The following ZNF662 variants were observed in gnomAD, a reference collection of about 807,000 sequenced individuals.
The protein encoded by ZNF662 is zinc finger protein 662.
In ZNF662, 14 loss-of-function variants were observed where a neutral mutation model predicts 12.4. The observed-to-expected ratio is 1.13, with a 90% CI of 0.75 to 1.77. The LOEUF (loss-of-function observed/expected upper bound fraction) is 1.77, where lower values mean the gene tolerates loss of function less well. ZNF662 is among the 40% of genes most tolerant of loss of function. ZNF662 has a pLI of 0.00. For synonymous variants in ZNF662, 184 were observed against 176.4 expected, an observed-to-expected ratio of 1.04 and a Z score of -0.34; for missense variants, 550 against 515.6, an observed-to-expected ratio of 1.07 and a Z score of -0.65.
intron 2 of ZNF662, chr3:42,908,437 T>G: frequency 8.0e-7 from 1 of 1,250,472 alleles, no homozygotes. Context: ...GAGCCTTCAG[T>G]TCCCTCCCCT....
chr3:42,908,764 C>G, intron 2 of ZNF662, 29 bp from the exon 3 acceptor site: 1 of 1,606,074 alleles, frequency 6.2e-7, no homozygotes, highest in South Asian at 1.1e-5. Flanking sequence ...ATGCCACTCA[C>G]CTGCCTGTCC....
chr3:42,918,688 A>T lies in ZNF662; in HGVS notation c.*3334A>T, dbSNP rs1035019204. 7.9e-5 allele frequency among the ~76,000 whole-genome samples: 12 copies of T among 152,164 alleles called. No homozygotes were observed. The highest frequency in any genetic ancestry group is 1.2e-4 in the Non-Finnish European group (8 of 68,028). On this transcript the variant is annotated 3_prime_UTR_variant, in exon 5 of 5. Transcript: ENST00000440367. ...GATCGATCTTAACTGGTTCCTGCTGATGGGGGCACTGTTTTGGGAAAATAG... is the reference window on the plus strand; with the variant it reads ...GATCGATCTTAACTGGTTCCTGCTGTTGGGGGCACTGTTTTGGGAAAATAG...
At chr3:42,913,100 C>A in intron 3 of ZNF662, 101 bp from the exon 4 acceptor site, 1 of 787,644 alleles carries the variant, frequency 1.3e-6, no homozygotes, top group Non-Finnish European at 2.2e-6. Context: ...AATCTTTTCA[C>A]CCACCTTTAT....
chr3:42,908,162 C>T lies in ZNF662; in HGVS notation c.34+14C>T. On this transcript the variant is annotated intron_variant, in intron 2 of 4. Transcript: ENST00000440367. ...TGGCTTCCCTGGGTAAGGGTCTCTC[C>T]CTTTGGGCCCTGCCTCCACCCTTGA... 1 of 1,607,956 alleles carries T rather than the reference C, an allele frequency of 6.2e-7. No individual in the cohort carries two copies. Among genetic ancestry groups the T allele is most frequent in the Non-Finnish European group, 8.5e-7 (1 of 1,175,968 alleles).
rs748495010 is a variant in ZNF662 at position 42,914,904 on chromosome 3, A to G, written c.831A>G (p.Glu277=). 1.9e-6 allele frequency: 3 copies of G among 1,614,266 alleles called. No homozygotes were observed. Among genetic ancestry groups the G allele is most frequent in the Non-Finnish European group, 1.7e-6 (2 of 1,180,050 alleles). The change falls in exon 5 of 5, where the codon GAA becomes GAG. Residue 277 remains glutamate (E), a synonymous_variant. Transcript: ENST00000440367. ...QRIHTGEKPF[E]CKECGKGFSQ... is the part of the protein sequence containing the mutation. ...TACATACTGGAGAGAAACCCTTTGAATGTAAGGAATGTGGGAAGGGCTTTA... is the reference window on the plus strand; with the variant it reads ...TACATACTGGAGAGAAACCCTTTGAGTGTAAGGAATGTGGGAAGGGCTTTA...
chr3:42,907,124 C>T (rs2088693848), intron 1 of ZNF662, among the ~76,000 whole-genome samples: 1 of 152,120 alleles, frequency 6.6e-6, no homozygotes, highest in African/African-American at 2.4e-5. Flanking sequence ...GAGGCAGTGG[C>T]TGAGAATTAC....
At position 42,918,473 on chromosome 3, in the gene ZNF662, A is replaced by G. The variant is rs112764702; in HGVS notation, c.*3119A>G. On this transcript the variant is annotated 3_prime_UTR_variant, in exon 5 of 5. Coordinates refer to ENST00000440367, the MANE Select transcript of ZNF662 (RefSeq NM_207404.4). ...TCTCCCAGTGTGCAGGCAGGCCCTT[A>G]GTCTGAGCCACTCCACATTATTTCC... Among the ~76,000 whole-genome samples the G allele has an allele frequency of 6.6e-6, 1 of 152,238 alleles. No individual in the cohort carries two copies. The highest frequency in any genetic ancestry group is 1.5e-5 in the Non-Finnish European group (1 of 68,008).
chr3:42,913,176 C>T (rs1346599987), intron 3 of ZNF662, 25 bp from the exon 4 acceptor site: 1 of 1,576,862 alleles, frequency 6.3e-7, no homozygotes, highest in Non-Finnish European at 8.7e-7. Flanking sequence ...CTGAGTCAGC[C>T]TTATTTGTAT....
At position 42,914,795 on chromosome 3, in the gene ZNF662, T is replaced by C; in HGVS notation, c.722T>C (p.Ile241Thr). 6.2e-7 allele frequency: 1 copy of C among 1,614,024 alleles called. No homozygotes were observed. Among genetic ancestry groups the C allele is most frequent in the Non-Finnish European group, 8.5e-7 (1 of 1,179,958 alleles). The change falls in exon 5 of 5, where the codon ATT becomes ACT. Residue 241 changes from isoleucine (I) to threonine (T), a missense_variant. Ile to Thr is a moderately conservative substitution (Grantham distance 89). Transcript: ENST00000440367. Reference sequence around the variant, plus strand: ...TCACATTGCATTGCACATCAGAGAATTCACAGTGGGGTGAAACCCTATGAA... The same window carrying C: ...TCACATTGCATTGCACATCAGAGAACTCACAGTGGGGTGAAACCCTATGAA... ...FRSHCIAHQR[I>T]HSGVKPYECQ...
At position 42,915,371 on chromosome 3, in the gene ZNF662, A is replaced by G. The variant is rs750695094; in HGVS notation, c.*17A>G. 6.6e-7 allele frequency: 1 copy of G among 1,525,322 alleles called. No homozygotes were observed. 94.5% of individuals were successfully genotyped at this position (1,525,322 alleles called of 1,614,324 possible). A position where few individuals can be genotyped will look rare whatever the true frequency, so the allele number is the denominator to read the frequency against. The stretch of plus-strand genomic sequence containing the variant: ...GAACATTAGAGAGTGCATAATGGTG[A>G]TACTTGTTTATAATTCTTATGCTGC... On this transcript the variant is annotated 3_prime_UTR_variant, in exon 5 of 5. Coordinates refer to ENST00000440367, the MANE Select transcript of ZNF662 (RefSeq NM_207404.4).
At position 42,912,694 on chromosome 3, in the gene ZNF662, TTTTATATATATAAATATATATATATA is replaced by T. The variant is rs1559381589; in HGVS notation, c.152-503_152-478del. Among the ~76,000 whole-genome samples, 37 of 3,924 alleles carry T rather than the reference TTTTATATATATAAATATATATATATA, an allele frequency of 9.4e-3. 2 individuals carry two copies. Among genetic ancestry groups the T allele is most frequent in the African/African-American group, 0.013 (28 of 2,192 alleles). The allele number at this position is 3,924 out of a possible 152,430, so 2.6% of individuals were successfully genotyped here. ...TTTTATATATATAAATATATATATA[TTTTATATATATAAATATATATATATA>T]TTTTTTATATATATAAATATATATA... On this transcript the variant is annotated intron_variant, in intron 3 of 4. Coordinates refer to ENST00000440367, the MANE Select transcript of ZNF662 (RefSeq NM_207404.4).
chr3:42,914,788 C>G lies in ZNF662; in HGVS notation c.715C>G (p.Gln239Glu). The G allele has an allele frequency of 1.9e-6, 3 of 1,614,046 alleles. No individual in the cohort carries two copies. The South Asian group carries it at 3.3e-5, about 18-fold the overall frequency. Residue 239 changes from glutamine (Q) to glutamate (E), a missense_variant, in exon 5 of 5, where the codon CAG becomes GAG. Coordinates refer to ENST00000440367, the MANE Select transcript of ZNF662 (RefSeq NM_207404.4). ...FSFRSHCIAH[Q>E]RIHSGVKPYE... ...TTTTCGATCACATTGCATTGCACATCAGAGAATTCACAGTGGGGTGAAACC... is the reference window on the plus strand; with the variant it reads ...TTTTCGATCACATTGCATTGCACATGAGAGAATTCACAGTGGGGTGAAACC...
chr3:42,909,339 G>C (rs9799082), intron 3 of ZNF662, among the ~76,000 whole-genome samples: 1 of 152,114 alleles, frequency 6.6e-6, no homozygotes, highest in African/African-American at 2.4e-5. Context: ...CCATTTAACC[G>C]TTAGTGGACA....
rs1228367497 is a variant in ZNF662 at position 42,915,966 on chromosome 3, C to T, written c.*612C>T. Reference sequence around the variant, plus strand: ...TAGTCTCATGTCTTTTAATCTTAACCCCAGCTAAATGACTCTGAGGACCAA... The same window carrying T: ...TAGTCTCATGTCTTTTAATCTTAACTCCAGCTAAATGACTCTGAGGACCAA... On this transcript the variant is annotated 3_prime_UTR_variant, in exon 5 of 5. Transcript: ENST00000440367. 2.0e-5 allele frequency: 3 copies of T among 151,970 alleles called. No homozygotes were observed. The highest frequency in any genetic ancestry group is 4.4e-5 in the Non-Finnish European group (3 of 68,022). The allele number at this position is 151,970 out of a possible 1,614,324, so 9.4% of individuals were successfully genotyped here. A position where few individuals can be genotyped will look rare whatever the true frequency, so the allele number is the denominator to read the frequency against.
chr3:42,914,604 C>A lies in ZNF662; in HGVS notation c.531C>A (p.Asn177Lys), dbSNP rs747013240. The part of the protein sequence containing the change: ...EESSGNTDVN[N>K]LLGIHHKILN... ...GTTCAGGGAATACTGATGTCAATAA[C>A]CTCCTTGGTATACATCACAAAATTC... Residue 177 changes from asparagine (N) to lysine (K), a missense_variant, in exon 5 of 5, where the codon AAC becomes AAA. Physicochemically the swap from Asn to Lys is moderately conservative, Grantham distance 94. Coordinates refer to ENST00000440367, the MANE Select transcript of ZNF662 (RefSeq NM_207404.4). 3.1e-6 allele frequency: 5 copies of A among 1,614,086 alleles called. No homozygotes were observed. In the East Asian group the frequency reaches 1.1e-4, roughly 36 times the overall value.
intron 2 of ZNF662, 132 bp from the exon 3 acceptor site, chr3:42,908,661 T>TC (rs777538012): frequency 1.5e-5 from 22 of 1,472,222 alleles, no homozygotes; most frequent in Non-Finnish European, 2.0e-5. Context: ...CCCCTGGAAT[T>TC]CCTTTTCTTG....
Position 42,914,866 on chromosome 3 carries a change from C to G in ZNF662, c.793C>G (p.Arg265Gly), listed in dbSNP as rs373448074. 147 of 1,613,950 alleles carry G rather than the reference C, an allele frequency of 9.1e-5. No homozygotes were observed. Among genetic ancestry groups the G allele is most frequent in the Non-Finnish European group, 1.1e-4 (124 of 1,180,034 alleles). The change falls in exon 5 of 5, where the codon CGT becomes GGT. Residue 265 changes from arginine to glycine, a missense_variant. Physicochemically the swap from Arg to Gly is moderately radical, Grantham distance 125. Coordinates refer to ENST00000440367, the MANE Select transcript of ZNF662 (RefSeq NM_207404.4). ...CTTTGTTTGGAAGTCAAACCTGATT[C>G]GTCACCAGAGAATACATACTGGAGA... ...KAFVWKSNLI[R>G]HQRIHTGEKP...
chr3:42,906,450 G>T lies in ZNF662; in HGVS notation c.-94+282G>T. On this transcript the variant is annotated intron_variant, in intron 1 of 4. Coordinates refer to ENST00000440367, the MANE Select transcript of ZNF662 (RefSeq NM_207404.4). This position sits in a 1 kb window ranked among gnomAD's most constrained non-coding sequence, Gnocchi z 4.4. ...TGCCCCGGGCGCGCCGGGTGAGTGC[G>T]GGGCCGGAGCCTGGAAGCAGTCTTG... is the stretch of plus-strand genomic sequence containing the variant. The T allele has an allele frequency of 7.0e-7, 1 of 1,435,548 alleles. No homozygotes were observed. Among genetic ancestry groups the T allele is most frequent in the South Asian group, 1.4e-5 (1 of 69,688 alleles). The allele number at this position is 1,435,548 out of a possible 1,614,324, so 88.9% of individuals were successfully genotyped here. A position where few individuals can be genotyped will look rare whatever the true frequency, so the allele number is the denominator to read the frequency against.
chr3:42,906,378 G>A lies in ZNF662; in HGVS notation c.-94+210G>A. 6.6e-7 allele frequency: 1 copy of A among 1,525,378 alleles called. No individual in the cohort carries two copies. 94.5% of individuals were successfully genotyped at this position (1,525,378 alleles called of 1,614,324 possible). A position where few individuals can be genotyped will look rare whatever the true frequency, so the allele number is the denominator to read the frequency against. Reference sequence around the variant, plus strand: ...TGGCGGCCGTGGCGCTGGCGAGCGGGACACGCCTCGGCCTTGTCCTCGAGC... The same window carrying A: ...TGGCGGCCGTGGCGCTGGCGAGCGGAACACGCCTCGGCCTTGTCCTCGAGC... On this transcript the variant is annotated intron_variant, in intron 1 of 4. Coordinates refer to ENST00000440367, the MANE Select transcript of ZNF662 (RefSeq NM_207404.4). The surrounding 1 kb of genome is among the most constrained non-coding windows in gnomAD (Gnocchi z 4.4).
Sources: gnomAD v4.1 joint callset for allele counts (sites outside exome capture counted in the v4.1 genomes callset) on GRCh38, gnomAD v4.1.1 for gene constraint, Gnocchi (gnomAD v3.1) non-coding constraint, MANE v1.5 for transcripts, NCBI Gene and HGNC (gene_info 2026-07-23, HGNC 2026-07-21) for gene names.